NTRK2: variants seen among roughly 807,000 people sequenced by gnomAD.
NTRK2 encodes the protein BDNF/NT-3 growth factors receptor.
Under a neutral mutation model 94.5 loss-of-function variants are expected in NTRK2, and 13 were observed. The ratio of observed to expected loss-of-function variants is 0.14; its 90% CI spans 0.09 to 0.22. The LOEUF (loss-of-function observed/expected upper bound fraction) is 0.22. NTRK2 is among the 10% of genes least tolerant of loss of function. NTRK2 has a pLI of 1.00. For missense variants in NTRK2, 639 were observed against 1,071.2 expected (o/e 0.60, Z 5.63); for synonymous variants, 372 against 407.4 (o/e 0.91, Z 1.05).
rs185102045 is a variant in NTRK2 at position 84,681,558 on chromosome 9, G to A, written c.212+10598G>A. Among the ~76,000 whole-genome samples, 5 of 152,290 alleles carry A rather than the reference G, an allele frequency of 3.3e-5. 1 individual carries two copies. The East Asian group carries it at 9.6e-4, about 29-fold the overall frequency. ...TCTCTTCTTACCGGGCTTGCAGTGT[G>A]TGGGAGTGGGGGATGGGGAACAAAC... On this transcript the variant is annotated intron_variant, in intron 2 of 18. Transcript: ENST00000277120.
chr9:84,972,054 T>C (rs1214468471), intron 17 of NTRK2, among the ~76,000 whole-genome samples: 1 of 152,190 alleles, frequency 6.6e-6, no homozygotes, highest in Non-Finnish European at 1.5e-5. Flanking sequence ...AGATCACCTC[T>C]AACCGGCATG....
Position 85,024,163 on chromosome 9 carries a change from T to C in NTRK2, c.*2726T>C, listed in dbSNP as rs1311517091. On this transcript the variant is annotated 3_prime_UTR_variant, in exon 19 of 19. Coordinates refer to ENST00000277120, the MANE Select transcript of NTRK2 (RefSeq NM_006180.6). ...GTTGTCTTAAGAGTATGTGCTGATT[T>C]CAGAGACATCTCAAATTGAAAGAAT... 1 of 231,904 alleles carries C rather than the reference T, an allele frequency of 4.3e-6. No homozygotes were observed. Among genetic ancestry groups the C allele is most frequent in the Non-Finnish European group, 8.5e-6 (1 of 117,328 alleles). The allele number at this position is 231,904 out of a possible 1,614,324, so 14.4% of individuals were successfully genotyped here.
At chr9:84,924,900 G>C (rs1255671284) in intron 14 of NTRK2, among the ~76,000 whole-genome samples, 3 of 152,170 alleles carry the variant, frequency 2.0e-5, no homozygotes, top group African/African-American at 7.2e-5. Context: ...TGCCCTCCCA[G>C]AAATGTAAAG....
chr9:84,859,265 A>G (rs1264486856), intron 12 of NTRK2, among the ~76,000 whole-genome samples: 1 of 152,166 alleles, frequency 6.6e-6, no homozygotes, highest in Non-Finnish European at 1.5e-5. Context: ...GGAATTCAGC[A>G]ATTCCTGTAA....
At chr9:84,840,252 A>G (rs537444058) in intron 12 of NTRK2, among the ~76,000 whole-genome samples, 6 of 147,756 alleles carry the variant, frequency 4.1e-5, no homozygotes, top group Admixed American at 4.0e-4. Context: ...CAGGACCACA[A>G]TCATTGACAA....
At chr9:84,701,805 C>T (rs912783137) in intron 2 of NTRK2, among the ~76,000 whole-genome samples, 3 of 152,024 alleles carry the variant, frequency 2.0e-5, no homozygotes, top group African/African-American at 4.8e-5. Flanking sequence ...TGGCTCTCAC[C>T]GTAAGAGTGG....
At chr9:84,678,765 C>T (rs2059214300) in intron 2 of NTRK2, among the ~76,000 whole-genome samples, 3 of 152,124 alleles carry the variant, frequency 2.0e-5, no homozygotes, top group Admixed American at 2.0e-4. Flanking sequence ...AAACAAAACC[C>T]CAAACCAGAA....
At chr9:84,769,680 G>A (rs1424996855) in intron 12 of NTRK2, among the ~76,000 whole-genome samples, 1 of 152,206 alleles carries the variant, frequency 6.6e-6, no homozygotes, top group Non-Finnish European at 1.5e-5. Context: ...TCTTTCCCAT[G>A]ACTTCAGTCT....
Position 84,813,066 on chromosome 9 carries a change from T to A in NTRK2, c.1397-47974T>A, listed in dbSNP as rs144650446. 698 of 1,039,254 alleles carry A rather than the reference T, an allele frequency of 6.7e-4. 5 individuals carry two copies. In the African/African-American group the frequency reaches 0.011, roughly 16 times the overall value. 64.4% of individuals were successfully genotyped at this position (1,039,254 alleles called of 1,614,324 possible). ...ATGTCTCCCATAAGAAATGTGCTTT[T>A]TAGAGCTTCCTAATGCATGTGTTGC... On this transcript the variant is annotated intron_variant, in intron 12 of 18. Coordinates refer to ENST00000277120, the MANE Select transcript of NTRK2 (RefSeq NM_006180.6).
intron 12 of NTRK2, among the ~76,000 whole-genome samples, chr9:84,766,141 G>A (rs1269278471): frequency 1.3e-5 from 2 of 152,130 alleles, no homozygotes; most frequent in African/African-American, 4.8e-5. Context: ...CAGGGCAAGA[G>A]GGCTTTGCTG....
chr9:84,768,284 C>T (rs1372030999), intron 12 of NTRK2, among the ~76,000 whole-genome samples: 1 of 152,208 alleles, frequency 6.6e-6, no homozygotes, highest in African/African-American at 2.4e-5. Flanking sequence ...AGTTCAATCA[C>T]TTTAGCACTG....
intron 12 of NTRK2, among the ~76,000 whole-genome samples, chr9:84,845,896 A>T (rs945845190): frequency 6.6e-6 from 1 of 151,910 alleles, no homozygotes; most frequent in Non-Finnish European, 1.5e-5. Flanking sequence ...TAACCAAAAA[A>T]CACCTGTACT....
At chr9:84,913,041 C>T (rs2077289556) in intron 14 of NTRK2, among the ~76,000 whole-genome samples, 2 of 152,082 alleles carry the variant, frequency 1.3e-5, no homozygotes, top group South Asian at 2.1e-4. Flanking sequence ...CTATTTAATG[C>T]AATTATTGAT....
At chr9:84,932,975 C>T (rs1410692074) in intron 14 of NTRK2, among the ~76,000 whole-genome samples, 3 of 152,212 alleles carry the variant, frequency 2.0e-5, no homozygotes, top group Non-Finnish European at 4.4e-5. Flanking sequence ...TGGAATCAGA[C>T]AGACTCGGGT....
At chr9:84,673,711 G>T (rs2058849104) in intron 2 of NTRK2, among the ~76,000 whole-genome samples, 1 of 151,794 alleles carries the variant, frequency 6.6e-6, no homozygotes, top group African/African-American at 2.4e-5. Flanking sequence ...GTTTTTACAT[G>T]CATGCTTTCA....
chr9:84,744,965 C>T lies in NTRK2; in HGVS notation c.1196-8C>T, dbSNP rs201036148. On this transcript the variant is annotated splice_region_variant and splice_polypyrimidine_tract_variant and intron_variant, in intron 10 of 18. Transcript: ENST00000277120. Reference sequence around the variant, plus strand: ...TGTTCTTCCTCATTCCCCCTTTGCCCACTTAAGATTATGGAACTGCAGCGA... The same window carrying T: ...TGTTCTTCCTCATTCCCCCTTTGCCTACTTAAGATTATGGAACTGCAGCGA... 1.2e-5 allele frequency: 20 copies of T among 1,604,492 alleles called. No individual in the cohort carries two copies. Among genetic ancestry groups the T allele is most frequent in the Non-Finnish European group, 1.7e-5 (20 of 1,171,284 alleles).
chr9:84,782,677 T>C (rs1024949277), intron 12 of NTRK2, among the ~76,000 whole-genome samples: 2 of 152,206 alleles, frequency 1.3e-5, no homozygotes, highest in African/African-American at 4.8e-5. Flanking sequence ...ATAAATACCA[T>C]TGTACTTGTC....
At chr9:84,848,771 T>C (rs1337836332) in intron 12 of NTRK2, among the ~76,000 whole-genome samples, 1 of 152,184 alleles carries the variant, frequency 6.6e-6, no homozygotes, top group Admixed American at 6.5e-5. Context: ...TTCTCTCCAA[T>C]AATAAAGATT....
chr9:84,982,429 T>C (rs1177502500), intron 17 of NTRK2, among the ~76,000 whole-genome samples: 1 of 152,184 alleles, frequency 6.6e-6, no homozygotes, highest in African/African-American at 2.4e-5. Context: ...TGAATCCTGG[T>C]CCAGAAATCT....
Sources: allele counts gnomAD v4.1 joint callset (sites outside exome capture counted in the v4.1 genomes callset), GRCh38; gene constraint gnomAD v4.1.1; transcripts MANE v1.5; gene names NCBI Gene and HGNC (gene_info 2026-07-23, HGNC 2026-07-21).